NAV2: variants seen among roughly 807,000 people sequenced by gnomAD.
NAV2 encodes helicase, APC down-regulated 1.
Under a neutral mutation model 223.2 loss-of-function variants are expected in NAV2, and 54 were observed. The ratio of observed to expected loss-of-function variants is 0.24; its 90% CI spans 0.19 to 0.30. NAV2 has a LOEUF of 0.30. NAV2 is among the 10% of genes least tolerant of loss of function. The pLI is 1.00. For missense variants in NAV2, 2,806 were observed against 3,147.5 expected (o/e 0.89, Z 2.60); for synonymous variants, 1,279 against 1,239.3 (o/e 1.03, Z -0.67).
At chr11:19,595,181 C>T (rs372129847) in intron 1 of NAV2, among the ~76,000 whole-genome samples, 118 of 152,270 alleles carry the variant, frequency 7.7e-4, no homozygotes, top group Admixed American at 2.9e-3. Context: ...ATCTTCCAGT[C>T]CTTATTGGTG....
At chr11:19,384,986 A>G (rs990791954) in intron 1 of NAV2, 7 of 152,208 alleles carry the variant, frequency 4.6e-5, no homozygotes, top group African/African-American at 1.7e-4. Context: ...TTTCCTAGAA[A>G]TGCGCAATAA....
In NAV2 at chr11:20,097,722, C is replaced by A; in HGVS notation, c.6158C>A (p.Thr2053Lys). The A allele has an allele frequency of 6.2e-7, 1 of 1,601,818 alleles. No individual in the cohort carries two copies. The highest frequency in any genetic ancestry group is 1.1e-5 in the South Asian group (1 of 88,442). The change falls in exon 31 of 38, where the codon ACG becomes AAG. Residue 2053 changes from threonine (T) to lysine (K), a missense_variant. Thr to Lys is a moderately conservative substitution (Grantham distance 78, BLOSUM62 -1). Coordinates refer to ENST00000349880, the MANE Select transcript of NAV2 (RefSeq NM_145117.5). ...TGTGGCTATCTGGTTGGAGAGAACACGACCATCTCAGTGACTGTGAAAGGT... is the reference window on the plus strand; with the variant it reads ...TGTGGCTATCTGGTTGGAGAGAACAAGACCATCTCAGTGACTGTGAAAGGT... ...LPCGYLVGEN[T>K]TISVTVKGLA...
At chr11:19,575,010 T>C (rs1426938896) in intron 1 of NAV2, among the ~76,000 whole-genome samples, 1 of 152,148 alleles carries the variant, frequency 6.6e-6, no homozygotes, top group Non-Finnish European at 1.5e-5. Flanking sequence ...TACTTCCTAA[T>C]GGGAAGTGCC....
At chr11:19,557,714 C>G (rs368934597) in intron 1 of NAV2, among the ~76,000 whole-genome samples, 1 of 152,200 alleles carries the variant, frequency 6.6e-6, no homozygotes, top group Admixed American at 6.5e-5. Context: ...GGGATCCACA[C>G]CGAACACAGA....
intron 12 of NAV2, among the ~76,000 whole-genome samples, chr11:20,038,552 C>T (rs549594157): frequency 1.3e-4 from 20 of 152,316 alleles, no homozygotes; most frequent in African/African-American, 4.8e-4. Flanking sequence ...CCATCCTCCT[C>T]CCTCATATCA....
At chr11:20,011,114 C>T (rs185606909) in intron 11 of NAV2, among the ~76,000 whole-genome samples, 222 of 152,214 alleles carry the variant, frequency 1.5e-3, no homozygotes, top group African/African-American at 5.0e-3. Context: ...CTAGCAAAGA[C>T]GAGGAAACAC....
chr11:19,957,652 T>C (rs1245187127), intron 10 of NAV2, among the ~76,000 whole-genome samples: 1 of 152,158 alleles, frequency 6.6e-6, no homozygotes, highest in African/African-American at 2.4e-5. Flanking sequence ...GGGTAGGCAG[T>C]CTCATCAGAG....
rs1392995270 is a variant in NAV2, at chr11:19,554,179, C to A, written c.75+203152C>A. 2.6e-5 allele frequency among the ~76,000 whole-genome samples: 4 copies of A among 152,294 alleles called. No individual in the cohort carries two copies. In the South Asian group the frequency reaches 6.2e-4, roughly 24 times the overall value. On this transcript the variant is annotated intron_variant, in intron 1 of 37. Coordinates refer to the NAV2 transcript ENST00000360655. The stretch of plus-strand genomic sequence containing the variant: ...GCCTGAAATCGTGCTATGACATCTA[C>A]GTGCAGGCATTTACTTTATTCAGAA...
intron 10 of NAV2, among the ~76,000 whole-genome samples, chr11:19,952,957 G>A (rs1461316802): frequency 6.6e-6 from 1 of 152,164 alleles, no homozygotes; most frequent in East Asian, 1.9e-4. Flanking sequence ...CCCTTTTATT[G>A]GATTGATAAA....
intron 1 of NAV2, among the ~76,000 whole-genome samples, chr11:19,622,367 C>G (rs1253308987): frequency 6.6e-6 from 1 of 152,122 alleles, no homozygotes; most frequent in Non-Finnish European, 1.5e-5. Context: ...GTTAAAGTCT[C>G]CCATTATTAT....
intron 10 of NAV2, among the ~76,000 whole-genome samples, chr11:19,955,865 C>T (rs1341904762): frequency 2.0e-5 from 3 of 152,188 alleles, no homozygotes; most frequent in South Asian, 2.1e-4. Flanking sequence ...CAGAGTGCTC[C>T]TTACAGCCTA....
At chr11:19,669,870 G>T (rs940135426) in intron 1 of NAV2, among the ~76,000 whole-genome samples, 3 of 152,214 alleles carry the variant, frequency 2.0e-5, no homozygotes, top group African/African-American at 7.2e-5. Context: ...CCTGGGTGAT[G>T]CCCAGTGGGT....
intron 1 of NAV2, among the ~76,000 whole-genome samples, chr11:19,812,197 C>T (rs925518875): frequency 3.3e-5 from 5 of 152,012 alleles, no homozygotes; most frequent in African/African-American, 1.2e-4. Context: ...GCCTGATAAT[C>T]TGCATTTATG....
At chr11:19,618,383 TG>T (rs1278493476) in intron 1 of NAV2, among the ~76,000 whole-genome samples, 12 of 101,832 alleles carry the variant, frequency 1.2e-4, no homozygotes, top group Non-Finnish European at 1.2e-4. Context: ...GATGGATGGA[TG>T]GATGGATGGA....
intron 3 of NAV2, among the ~76,000 whole-genome samples, chr11:19,844,822 GT>G (rs1197938980): frequency 0.024 from 3,181 of 133,012 alleles, 90 homozygotes; most frequent in African/African-American, 0.068. Context: ...TGAACTGTGT[GT>G]TTTTTTTTTT....
chr11:19,965,571 T>C (rs530009659), intron 10 of NAV2, among the ~76,000 whole-genome samples: 1 of 152,344 alleles, frequency 6.6e-6, no homozygotes, highest in Admixed American at 6.5e-5. Flanking sequence ...ACTAATTGCC[T>C]TTCTTCTGAT....
chr11:19,924,123 GGT>G (rs2044514915), intron 6 of NAV2, among the ~76,000 whole-genome samples: 1 of 152,040 alleles, frequency 6.6e-6, no homozygotes, highest in African/African-American at 2.4e-5. Flanking sequence ...CTCTTTTTAA[GGT>G]GTTATCATAG....
intron 3 of NAV2, among the ~76,000 whole-genome samples, chr11:19,862,650 T>C (rs147250329): frequency 8.8e-4 from 134 of 152,288 alleles, no homozygotes; most frequent in Non-Finnish European, 1.2e-4. Flanking sequence ...AAATTAAAAC[T>C]GTAGTGTCAG....
chr11:20,002,022 G>T (rs1267856699), intron 11 of NAV2, among the ~76,000 whole-genome samples: 1 of 152,186 alleles, frequency 6.6e-6, no homozygotes, highest in Non-Finnish European at 1.5e-5. Context: ...AGGTCAGGAT[G>T]CCGGCATGGT....
Sources: allele counts gnomAD v4.1 joint callset (sites outside exome capture counted in the v4.1 genomes callset), GRCh38; gene constraint gnomAD v4.1.1; transcripts MANE v1.5; gene names NCBI Gene and HGNC (gene_info 2026-07-23, HGNC 2026-07-21).